Variants in NRG1 observed in about 807,000 individuals in gnomAD.
NRG1 encodes the protein neuregulin 1.
A neutral mutation model predicts 63.8 loss-of-function variants in NRG1; 18 were observed. The observed-to-expected ratio is 0.28, with a 90% CI of 0.19 to 0.42. The LOEUF is 0.42. NRG1 is among the 10% of genes least tolerant of loss of function. NRG1 has a pLI of 1.00. For missense variants in NRG1, 762 were observed against 814.7 expected (o/e 0.94, Z 0.79); for synonymous variants, 302 against 301.3 (o/e 1.00, Z -0.02).
intron 1 of NRG1, among the ~76,000 whole-genome samples, chr8:32,095,340 C>G (rs1198350672): frequency 6.6e-6 from 1 of 152,164 alleles, no homozygotes; most frequent in Non-Finnish European, 1.5e-5. Context: ...TCTCGTCAAG[C>G]AGAGTTTCCC....
At chr8:32,191,146 A>G (rs1243357803) in intron 1 of NRG1, among the ~76,000 whole-genome samples, 1 of 151,294 alleles carries the variant, frequency 6.6e-6, no homozygotes, top group Non-Finnish European at 1.5e-5. Flanking sequence ...GTGCAGTGGC[A>G]TGATCTCAGC....
chr8:32,669,725 T>C (rs1805130338), intron 5 of NRG1, among the ~76,000 whole-genome samples: 1 of 152,212 alleles, frequency 6.6e-6, no homozygotes, highest in African/African-American at 2.4e-5. Context: ...TGGTCTTATT[T>C]AGTTGGGGCT....
chr8:32,164,234 T>C (rs942221114), intron 1 of NRG1, among the ~76,000 whole-genome samples: 1 of 110,826 alleles, frequency 9.0e-6, no homozygotes, highest in Admixed American at 1.2e-4. Context: ...AGTTTCATCA[T>C]CTCCATCTGA....
chr8:32,086,734 C>A (rs756412038), intron 1 of NRG1, among the ~76,000 whole-genome samples: 13 of 152,242 alleles, frequency 8.5e-5, no homozygotes, highest in Non-Finnish European at 1.5e-4. Flanking sequence ...ATATTGTTTA[C>A]TGTGTTTAAA....
At chr8:32,314,559 T>G (rs1857170331) in intron 1 of NRG1, among the ~76,000 whole-genome samples, 1 of 152,080 alleles carries the variant, frequency 6.6e-6, no homozygotes. Context: ...CTGCACAATT[T>G]CTCCTTGCAT....
intron 1 of NRG1, among the ~76,000 whole-genome samples, chr8:32,225,091 A>T (rs771876520): frequency 1.8e-4 from 27 of 152,214 alleles, no homozygotes; most frequent in Admixed American, 3.9e-4. Flanking sequence ...TTTAAAATTG[A>T]GTCTTGCCTT....
chr8:32,684,998 A>G (rs1809706474), intron 5 of NRG1, among the ~76,000 whole-genome samples: 1 of 152,170 alleles, frequency 6.6e-6, no homozygotes, highest in Non-Finnish European at 1.5e-5. Context: ...GAACCCCTGT[A>G]CCCTTTGTCC....
intron 1 of NRG1, among the ~76,000 whole-genome samples, chr8:31,770,703 G>A (rs142273494): frequency 0.15 from 22,669 of 150,240 alleles, 1,878 homozygotes; most frequent in Admixed American, 0.21. Context: ...CCAACATGGT[G>A]CATGTATACA....
At chr8:32,758,135 T>C (rs1160415002) in intron 9 of NRG1, among the ~76,000 whole-genome samples, 1 of 152,194 alleles carries the variant, frequency 6.6e-6, no homozygotes, top group Non-Finnish European at 1.5e-5. Flanking sequence ...AGTGCCTTAT[T>C]TCATCAAAGA....
At chr8:32,393,296 T>G (rs976566288) in intron 1 of NRG1, among the ~76,000 whole-genome samples, 1 of 152,174 alleles carries the variant, frequency 6.6e-6, no homozygotes, top group Non-Finnish European at 1.5e-5. Flanking sequence ...TAGGAGAAAA[T>G]TATTCTCTTG....
chr8:32,261,473 A>G (rs1850367442), intron 1 of NRG1, among the ~76,000 whole-genome samples: 1 of 152,102 alleles, frequency 6.6e-6, no homozygotes, highest in South Asian at 2.1e-4. Flanking sequence ...AGCCTTTTTA[A>G]GATAGACATT....
At chr8:31,878,292 A>G (rs1830079933) in intron 1 of NRG1, among the ~76,000 whole-genome samples, 1 of 152,134 alleles carries the variant, frequency 6.6e-6, no homozygotes, top group Non-Finnish European at 1.5e-5. Flanking sequence ...TATACTTGGG[A>G]CATTATATTG....
At chr8:32,080,266 A>T (rs1446448840) in intron 1 of NRG1, among the ~76,000 whole-genome samples, 1 of 152,170 alleles carries the variant, frequency 6.6e-6, no homozygotes, top group Admixed American at 6.6e-5. Context: ...TTAGGATTCT[A>T]TCAATGCAAG....
At chr8:32,713,609 T>C (rs1207958224) in intron 5 of NRG1, among the ~76,000 whole-genome samples, 16 of 148,698 alleles carry the variant, frequency 1.1e-4, no homozygotes, top group Admixed American at 1.1e-3. Context: ...CATGAGTAAG[T>C]TTAAAAAAAA....
chr8:32,190,214 ACT>A (rs964110838), intron 1 of NRG1, among the ~76,000 whole-genome samples: 6 of 149,308 alleles, frequency 4.0e-5, no homozygotes, highest in East Asian at 2.0e-4. Flanking sequence ...TTTTCTATTT[ACT>A]CTTTCTTTTT....
At chr8:31,939,281 T>A (rs1044479097) in intron 1 of NRG1, among the ~76,000 whole-genome samples, 1 of 152,148 alleles carries the variant, frequency 6.6e-6, no homozygotes, top group Non-Finnish European at 1.5e-5. Flanking sequence ...AAAACAATTA[T>A]TAGCCAAGAA....
intron 1 of NRG1, among the ~76,000 whole-genome samples, chr8:31,757,750 T>C (rs1285100898): frequency 2.6e-5 from 4 of 152,270 alleles, no homozygotes. Context: ...AGTATCACAT[T>C]TTTATTGAGA....
intron 1 of NRG1, among the ~76,000 whole-genome samples, chr8:32,188,728 G>T (rs964244011): frequency 1.1e-4 from 16 of 152,120 alleles, no homozygotes; most frequent in Admixed American, 2.6e-4. Flanking sequence ...TGTGGGCTAT[G>T]CATATTCTCA....
chr8:32,521,053 A>G (rs1010485999), intron 1 of NRG1, among the ~76,000 whole-genome samples: 3 of 152,146 alleles, frequency 2.0e-5, no homozygotes, highest in African/African-American at 4.8e-5. Flanking sequence ...ATTATTAAGT[A>G]TTGTTGCTAA....
Sources: gnomAD v4.1 joint callset for allele counts (sites outside exome capture counted in the v4.1 genomes callset) on GRCh38, gnomAD v4.1.1 for gene constraint, MANE v1.5 for transcripts, NCBI Gene and HGNC (gene_info 2026-07-23, HGNC 2026-07-21) for gene names.